The following ONECUT3 variants were observed in gnomAD, a reference collection of about 807,000 sequenced individuals.
ONECUT3 encodes the protein one cut homeobox 3.
In ONECUT3, 11 loss-of-function variants were observed where a neutral mutation model predicts 16.8. The observed-to-expected ratio is 0.66, with a 90% CI of 0.41 to 1.09. The LOEUF (loss-of-function observed/expected upper bound fraction) is 1.09. ONECUT3 is among the 50% of genes least tolerant of loss of function. The pLI is 0.00. For synonymous variants in ONECUT3, 344 were observed against 310.7 expected, an observed-to-expected ratio of 1.11 and a Z score of -1.13; for missense variants, 637 against 629.9, an observed-to-expected ratio of 1.01 and a Z score of -0.12.
intron 1 of ONECUT3, among the ~76,000 whole-genome samples, chr19:1,765,780 G>A (rs548041312): frequency 6.6e-5 from 10 of 152,308 alleles, no homozygotes; most frequent in African/African-American, 2.2e-4. Context: ...AAGGCCACTC[G>A]GCCCGCAGAG....
intron 1 of ONECUT3, among the ~76,000 whole-genome samples, chr19:1,767,903 C>T (rs2068007817): frequency 6.6e-6 from 1 of 151,714 alleles, no homozygotes; most frequent in Non-Finnish European, 1.5e-5. Flanking sequence ...GATCTCCTCC[C>T]AGGGCCCCGG....
At position 1,772,939 on chromosome 19, in the gene ONECUT3, G is replaced by A. The variant is rs909769753; in HGVS notation, c.1193-2214G>A. ...AGGATGGTCTTGATCTCCTGACCTC[G>A]TGATCCGCCCGCCTCGGCCTCCCAA... is the stretch of plus-strand genomic sequence containing the variant. On this transcript the variant is annotated intron_variant, in intron 1 of 1. Transcript: ENST00000382349. 6.8e-5 allele frequency among the ~76,000 whole-genome samples: 10 copies of A among 146,066 alleles called. No homozygotes were observed. In the South Asian group the frequency reaches 1.3e-3, roughly 19 times the overall value.
Position 1,755,222 on chromosome 19 carries a change from G to A in ONECUT3, c.1192+368G>A, listed in dbSNP as rs2067910491. Among the ~76,000 whole-genome samples the A allele has an allele frequency of 6.6e-6, 1 of 151,578 alleles. No individual in the cohort carries two copies. The highest frequency in any genetic ancestry group is 2.4e-5 in the African/African-American group (1 of 41,228). ...GTGTGTGTGTGAGCGCGCGCCTGTT[G>A]GGGGGAGCTGTGTCCCCGAACGAGC... On this transcript the variant is annotated intron_variant, in intron 1 of 1. Coordinates refer to ENST00000382349, the MANE Select transcript of ONECUT3 (RefSeq NM_001080488.2). The surrounding 1 kb of genome is among the most constrained non-coding windows in gnomAD (Gnocchi z 7.5).
intron 1 of ONECUT3, among the ~76,000 whole-genome samples, chr19:1,770,264 GGTTTTTT>G (rs1238306655): frequency 3.9e-5 from 6 of 152,176 alleles, no homozygotes; most frequent in Middle Eastern, 3.4e-3. Flanking sequence ...TGTTTGTGGG[GGTTTTTT>G]GTTTTTTGTT....
chr19:1,766,309 C>T lies in ONECUT3; in HGVS notation c.1193-8844C>T, dbSNP rs1219391749. On this transcript the variant is annotated intron_variant, in intron 1 of 1. Transcript: ENST00000382349. The surrounding 1 kb of genome is among the most constrained non-coding windows in gnomAD (Gnocchi z 4.0). The stretch of plus-strand genomic sequence containing the variant: ...GAGGCTGGCACCCTCAGCCCGCACG[C>T]GGCCAACGTCAGGCGCGCGCAGAGG... Among the ~76,000 whole-genome samples the T allele has an allele frequency of 2.6e-5, 4 of 152,170 alleles. No homozygotes were observed. The highest frequency in any genetic ancestry group is 2.1e-4 in the South Asian group (1 of 4,834).
chr19:1,771,804 T>C (rs1380545574), intron 1 of ONECUT3, among the ~76,000 whole-genome samples: 2 of 151,810 alleles, frequency 1.3e-5, no homozygotes, highest in Admixed American at 1.3e-4. Flanking sequence ...CTCAGCATCC[T>C]GAATAACTGG....
At position 1,754,897 on chromosome 19, in the gene ONECUT3, T is replaced by A. The variant is rs2067908467; in HGVS notation, c.1192+43T>A. 7.4e-7 allele frequency: 1 copy of A among 1,344,850 alleles called. No homozygotes were observed. Among genetic ancestry groups the A allele is most frequent in the Admixed American group, 3.2e-5 (1 of 31,506 alleles). 83.3% of individuals were successfully genotyped at this position (1,344,850 alleles called of 1,614,324 possible). On this transcript the variant is annotated intron_variant, in intron 1 of 1. Coordinates refer to ENST00000382349, the MANE Select transcript of ONECUT3 (RefSeq NM_001080488.2). This position sits in a 1 kb window ranked among gnomAD's most constrained non-coding sequence, Gnocchi z 7.4. The stretch of plus-strand genomic sequence containing the variant: ...AGGGCCAGACCCTGGGGGCGCCGGC[T>A]CTGGACTCCCGAGCACCTAGCGGGG...
intron 1 of ONECUT3, among the ~76,000 whole-genome samples, chr19:1,763,159 T>C (rs1240624221): frequency 1.3e-5 from 2 of 150,926 alleles, no homozygotes; most frequent in African/African-American, 2.4e-5. Flanking sequence ...AGGCCAGGAG[T>C]TCGAGACCAG....
In ONECUT3 at chr19:1,760,132, C is replaced by A. The variant is rs1490640782; in HGVS notation, c.1192+5278C>A. On this transcript the variant is annotated intron_variant, in intron 1 of 1. Coordinates refer to ENST00000382349, the MANE Select transcript of ONECUT3 (RefSeq NM_001080488.2). ...ACGACATTTTGAACCCGATGCGGTT[C>A]CCATGCCCACCCTACAGACCAGCAA... Among the ~76,000 whole-genome samples the A allele has an allele frequency of 7.2e-5, 11 of 152,372 alleles. No homozygotes were observed. In the East Asian group the frequency reaches 2.1e-3, roughly 29 times the overall value.
At chr19:1,757,558 C>T (rs1342698500) in intron 1 of ONECUT3, among the ~76,000 whole-genome samples, 1 of 152,176 alleles carries the variant, frequency 6.6e-6, no homozygotes, top group Non-Finnish European at 1.5e-5. Context: ...CCGCTGCCCA[C>T]GCCGTGGCCC....
Position 1,779,704 on chromosome 19 carries a change from C to T in ONECUT3, c.*4259C>T, listed in dbSNP as rs918709706. 9 of 151,688 alleles carry T rather than the reference C, an allele frequency of 5.9e-5. No individual in the cohort carries two copies. Among genetic ancestry groups the T allele is most frequent in the Non-Finnish European group, 1.0e-4 (7 of 67,950 alleles). The allele number at this position is 151,688 out of a possible 1,614,324, so 9.4% of individuals were successfully genotyped here. A position where few individuals can be genotyped will look rare whatever the true frequency, so the allele number is the denominator to read the frequency against. ...GGGGGCGGGGGGCGTGGCCCGGTTC[C>T]GTGTCGCATCTGTGTGTCTGGTGCC... On this transcript the variant is annotated 3_prime_UTR_variant, in exon 2 of 2. Transcript: ENST00000382349.
intron 1 of ONECUT3, among the ~76,000 whole-genome samples, chr19:1,770,779 A>G (rs2068047293): frequency 6.6e-6 from 1 of 152,066 alleles, no homozygotes; most frequent in Admixed American, 6.6e-5. Flanking sequence ...AGTTTTTTGC[A>G]TTTCCTTCCA....
chr19:1,768,486 A>G (rs1211269185), intron 1 of ONECUT3, among the ~76,000 whole-genome samples: 1 of 152,106 alleles, frequency 6.6e-6, no homozygotes, highest in African/African-American at 2.4e-5. Flanking sequence ...TGTCTTTACA[A>G]AGGAAGGGAC....
chr19:1,760,450 G>A (rs938014158), intron 1 of ONECUT3, among the ~76,000 whole-genome samples: 2 of 151,830 alleles, frequency 1.3e-5, no homozygotes, highest in Non-Finnish European at 2.9e-5. Flanking sequence ...CACTTTCCAC[G>A]TTCTCAGCCA....
At position 1,775,689 on chromosome 19, in the gene ONECUT3, C is replaced by G. The variant is rs539467739; in HGVS notation, c.*244C>G. 11 of 389,702 alleles carry G rather than the reference C, an allele frequency of 2.8e-5. No homozygotes were observed. Among genetic ancestry groups the G allele is most frequent in the East Asian group, 2.8e-4 (6 of 21,492 alleles). The allele number at this position is 389,702 out of a possible 1,614,324, so 24.1% of individuals were successfully genotyped here. On this transcript the variant is annotated 3_prime_UTR_variant, in exon 2 of 2. Coordinates refer to ENST00000382349, the MANE Select transcript of ONECUT3 (RefSeq NM_001080488.2). ...GCCAAAGGAAGCCCTCCACCCCCCC[C>G]CGGAGGGGAGGGAGTGACAGAAAGG...
At chr19:1,772,868 T>A (rs1375647907) in intron 1 of ONECUT3, among the ~76,000 whole-genome samples, 1 of 147,110 alleles carries the variant, frequency 6.8e-6, no homozygotes, top group Admixed American at 6.7e-5. Flanking sequence ...TAATTTTTTT[T>A]TTTTTTTTTT....
intron 1 of ONECUT3, among the ~76,000 whole-genome samples, chr19:1,756,811 G>A (rs1287798281): frequency 6.8e-6 from 1 of 147,576 alleles, no homozygotes; most frequent in Non-Finnish European, 1.5e-5. Flanking sequence ...GCCTCCCAAA[G>A]TGCTGGGATT....
intron 1 of ONECUT3, among the ~76,000 whole-genome samples, chr19:1,768,239 G>A (rs923831408): frequency 1.3e-5 from 2 of 151,458 alleles, no homozygotes; most frequent in Admixed American, 6.6e-5. Context: ...GGGTAGCCTC[G>A]CAGGGAAGGA....
chr19:1,753,998 G>T lies in ONECUT3; in HGVS notation c.336G>T (p.Gln112His). The T allele has an allele frequency of 2.0e-6, 2 of 994,348 alleles. No individual in the cohort carries two copies. Among genetic ancestry groups the T allele is most frequent in the Non-Finnish European group, 2.4e-6 (2 of 837,152 alleles). 61.6% of individuals were successfully genotyped at this position (994,348 alleles called of 1,614,324 possible). A position where few individuals can be genotyped will look rare whatever the true frequency, so the allele number is the denominator to read the frequency against. ...GGTYTTLTPL[Q>H]HLPPLAAVAD... The stretch of plus-strand genomic sequence containing the variant: ...CCTACACGACGCTCACGCCCCTGCA[G>T]CACCTGCCGCCGCTCGCGGCCGTGG... The change falls in exon 1 of 2, where the codon CAG becomes CAT. Residue 112 changes from glutamine (Q) to histidine (H), a missense_variant. Physicochemically the swap from Gln to His is conservative, Grantham distance 24. Coordinates refer to ENST00000382349, the MANE Select transcript of ONECUT3 (RefSeq NM_001080488.2).
Sources: allele counts gnomAD v4.1 joint callset (sites outside exome capture counted in the v4.1 genomes callset), GRCh38; gene constraint gnomAD v4.1.1; non-coding constraint Gnocchi (gnomAD v3.1); transcripts MANE v1.5; gene names NCBI Gene and HGNC (gene_info 2026-07-23, HGNC 2026-07-21).